NAALADL2: variants seen among roughly 807,000 people sequenced by gnomAD.
The protein encoded by NAALADL2 is inactive N-acetylated-alpha-linked acidic dipeptidase-like protein 2.
A neutral mutation model predicts 87.2 loss-of-function variants in NAALADL2; 76 were observed. The ratio of observed to expected loss-of-function variants is 0.87; its 90% confidence interval spans 0.72 to 1.05. NAALADL2 has a LOEUF of 1.05. Among genes scored for constraint, NAALADL2 ranks in the 50% least tolerant of loss-of-function variants. The pLI is 0.00. For missense variants in NAALADL2, 1,089 were observed against 945.8 expected (o/e 1.15, Z -1.99); for synonymous variants, 354 against 331.0 (o/e 1.07, Z -0.75).
intron 11 of NAALADL2, among the ~76,000 whole-genome samples, chr3:175,681,596 C>A (rs1735604563): frequency 6.6e-6 from 1 of 152,128 alleles, no homozygotes; most frequent in African/African-American, 2.4e-5. Context: ...AGAAGTGTTG[C>A]AAAAACATTT....
In NAALADL2 at chr3:175,605,739, T is replaced by G. The variant is rs572973609; in HGVS notation, c.1801-21552T>G. ...CTGTTTTTTTAAACCTGTATTTAGA[T>G]AACATTTAATTATAATTTTACAGCA... On this transcript the variant is annotated intron_variant, in intron 10 of 13. Coordinates refer to ENST00000454872, the MANE Select transcript of NAALADL2 (RefSeq NM_207015.3). 2.6e-5 allele frequency among the ~76,000 whole-genome samples: 4 copies of G among 152,070 alleles called. No homozygotes were observed. In the South Asian group the frequency reaches 8.3e-4, roughly 31 times the overall value.
chr3:175,741,222 G>A (rs1026184283), intron 12 of NAALADL2, among the ~76,000 whole-genome samples: 3 of 152,190 alleles, frequency 2.0e-5, no homozygotes, highest in African/African-American at 7.2e-5. Context: ...AGCATCAGCA[G>A]TTTCGCTGTT....
intron 5 of NAALADL2, among the ~76,000 whole-genome samples, chr3:175,426,156 G>C (rs1716740802): frequency 6.6e-6 from 1 of 152,166 alleles, no homozygotes; most frequent in African/African-American, 2.4e-5. Context: ...TTAAGGTCAA[G>C]AGTTCGAGAC....
chr3:174,526,253 T>C (rs1490573410), intron 1 of NAALADL2, among the ~76,000 whole-genome samples: 2 of 152,272 alleles, frequency 1.3e-5, no homozygotes, highest in Middle Eastern at 3.4e-3. Flanking sequence ...ATACTGGCAA[T>C]TCAGTGGACT....
At position 174,757,465 on chromosome 3, in the gene NAALADL2, G is replaced by T. The variant is rs1042322464; in HGVS notation, c.-9+19719G>T. On this transcript the variant is annotated intron_variant, in intron 3 of 3. Coordinates refer to the NAALADL2 transcript ENST00000434257. ...AAGAGATGCTTTGGTTTTCCTCAGT[G>T]TTGGCCTGAGATGAAAATAGAGATA... Among the ~76,000 whole-genome samples the T allele has an allele frequency of 2.6e-5, 4 of 151,920 alleles. No individual in the cohort carries two copies. In the South Asian group the frequency reaches 6.2e-4, roughly 24 times the overall value.
At chr3:175,343,582 G>A (rs770274604) in intron 5 of NAALADL2, among the ~76,000 whole-genome samples, 6 of 148,700 alleles carry the variant, frequency 4.0e-5, no homozygotes, top group South Asian at 2.1e-4. Context: ...AGTTCACTGC[G>A]CCACCTGGTC....
At position 175,778,005 on chromosome 3, in the gene NAALADL2, T is replaced by A. The variant is rs543316772; in HGVS notation, c.2189+22587T>A. 2.0e-5 allele frequency among the ~76,000 whole-genome samples: 3 copies of A among 152,356 alleles called. No individual in the cohort carries two copies. In the East Asian group the frequency reaches 5.8e-4, roughly 29 times the overall value. On this transcript the variant is annotated intron_variant, in intron 13 of 13. Transcript: ENST00000454872. Reference sequence around the variant, plus strand: ...AATGTTTTCATACGCAGTCTGTGTGTCTGTGTGTATACCACTACTATTGGC... The same window carrying A: ...AATGTTTTCATACGCAGTCTGTGTGACTGTGTGTATACCACTACTATTGGC...
intron 1 of NAALADL2, among the ~76,000 whole-genome samples, chr3:175,018,359 C>T (rs1029918648): frequency 3.3e-5 from 5 of 151,812 alleles, no homozygotes; most frequent in Admixed American, 1.3e-4. Flanking sequence ...TTTCATTAAG[C>T]AAAATAGAGA....
chr3:174,591,152 T>C (rs890061484), intron 2 of NAALADL2, among the ~76,000 whole-genome samples: 1 of 152,228 alleles, frequency 6.6e-6, no homozygotes, highest in African/African-American at 2.4e-5. Context: ...GGAGACAGAC[T>C]GCTCCTTAAT....
At chr3:174,828,463 G>C (rs1196498177) in intron 3 of NAALADL2, among the ~76,000 whole-genome samples, 1 of 152,158 alleles carries the variant, frequency 6.6e-6, no homozygotes, top group Admixed American at 6.6e-5. Context: ...TTCTGATTCA[G>C]TTGCTGTATC....
intron 1 of NAALADL2, among the ~76,000 whole-genome samples, chr3:174,464,034 G>T (rs1306936243): frequency 2.0e-5 from 3 of 152,104 alleles, no homozygotes; most frequent in Non-Finnish European, 4.4e-5. Flanking sequence ...GAAGTTAAAG[G>T]TAAACTTAGG....
At chr3:174,936,687 C>G (rs1737738263) in intron 1 of NAALADL2, among the ~76,000 whole-genome samples, 1 of 152,052 alleles carries the variant, frequency 6.6e-6, no homozygotes, top group Admixed American at 6.6e-5. Flanking sequence ...TTGTAATCAC[C>G]TAAATGTGCT....
chr3:174,761,146 A>C (rs969030399), intron 3 of NAALADL2, among the ~76,000 whole-genome samples: 6 of 152,204 alleles, frequency 3.9e-5, no homozygotes, highest in Admixed American at 3.9e-4. Flanking sequence ...AAAGAAAATA[A>C]TTGTTCCAAG....
intron 3 of NAALADL2, among the ~76,000 whole-genome samples, chr3:174,851,948 ATTACT>A (rs1384557682): frequency 2.0e-5 from 3 of 152,148 alleles, no homozygotes; most frequent in Admixed American, 6.6e-5. Context: ...ATTGTGATAC[ATTACT>A]TTAACAGAAT....
chr3:175,690,509 A>G (rs1736908326), intron 11 of NAALADL2, among the ~76,000 whole-genome samples: 1 of 152,034 alleles, frequency 6.6e-6, no homozygotes, highest in Non-Finnish European at 1.5e-5. Context: ...AGTCATTCAG[A>G]TTACTTTGTT....
chr3:174,947,694 A>T (rs571968988), intron 1 of NAALADL2, among the ~76,000 whole-genome samples: 54 of 151,392 alleles, frequency 3.6e-4, no homozygotes, highest in Non-Finnish European at 5.2e-4. Context: ...TACAGGTTTT[A>T]AAAAAAAATC....
chr3:175,168,217 A>G (rs982706953), intron 2 of NAALADL2, among the ~76,000 whole-genome samples: 1 of 151,972 alleles, frequency 6.6e-6, no homozygotes, highest in African/African-American at 2.4e-5. Context: ...AAAAATGAAA[A>G]CAAATATATT....
chr3:175,424,189 T>G (rs1229449717), intron 5 of NAALADL2, among the ~76,000 whole-genome samples: 2 of 152,164 alleles, frequency 1.3e-5, no homozygotes, highest in African/African-American at 4.8e-5. Flanking sequence ...ATGCAAAAAT[T>G]TTGTCCCATT....
intron 2 of NAALADL2, among the ~76,000 whole-genome samples, chr3:174,606,409 T>A (rs878957783): frequency 6.6e-6 from 1 of 152,092 alleles, no homozygotes; most frequent in South Asian, 2.1e-4. Flanking sequence ...GGCAAAGAAG[T>A]TAAAAACTTT....
Sources: allele counts gnomAD v4.1 joint callset (sites outside exome capture counted in the v4.1 genomes callset), GRCh38; gene constraint gnomAD v4.1.1; transcripts MANE v1.5; gene names NCBI Gene and HGNC (gene_info 2026-07-23, HGNC 2026-07-21).